The following CD38 variants were observed in gnomAD, a reference collection of about 807,000 sequenced individuals.
The protein encoded by CD38 is CD38 molecule, also known as ADP-ribosyl cyclase/cyclic ADP-ribose hydrolase 1.
Under a neutral mutation model 36.3 loss-of-function variants are expected in CD38, and 31 were observed. The ratio of observed to expected loss-of-function variants is 0.85; its 90% CI spans 0.64 to 1.15. CD38 has a LOEUF of 1.15. Ranked by LOEUF, CD38 falls within the 50% of genes most tolerant of loss-of-function variation. CD38 has a pLI of 0.00. For synonymous variants in CD38, 131 were observed against 135.2 expected (o/e 0.97, Z 0.22); for missense variants, 380 against 371.9 (o/e 1.02, Z -0.18).
chr4:15,820,758 C>T (rs867623764), intron 2 of CD38, among the ~76,000 whole-genome samples: 25 of 152,182 alleles, frequency 1.6e-4, no homozygotes, highest in South Asian at 1.0e-3. Flanking sequence ...TAACATCCCA[C>T]TGTCAATATT....
chr4:15,840,413 A>T, intron 6 of CD38, 39 bp from the exon 7 acceptor site: 1 of 1,338,746 alleles, frequency 7.5e-7, no homozygotes, highest in South Asian at 1.2e-5. Context: ...AATGTTTGTG[A>T]GATCTTGTAA....
Position 15,824,895 on chromosome 4 carries a change from C to T in CD38, c.378C>T (p.Ser126=). ...TVPCNKILLW[S]RIKDLAHQFT... is the part of the protein sequence containing the mutation. ...TTCTTCCTTAGATTCTTCTTTGGAGCAGAATAAAAGATCTGGCCCATCAGT... is the reference window on the plus strand; with the variant it reads ...TTCTTCCTTAGATTCTTCTTTGGAGTAGAATAAAAGATCTGGCCCATCAGT... The change falls in exon 3 of 8, where the codon AGC becomes AGT. Residue 126 remains serine (S), a synonymous_variant. Coordinates refer to ENST00000226279, the MANE Select transcript of CD38 (RefSeq NM_001775.4). 3 of 1,612,472 alleles carry T rather than the reference C, an allele frequency of 1.9e-6. No individual in the cohort carries two copies. The highest frequency in any genetic ancestry group is 2.5e-6 in the Non-Finnish European group (3 of 1,178,848).
chr4:15,787,033 G>A lies in CD38; in HGVS notation c.233+8386G>A, dbSNP rs538854606. On this transcript the variant is annotated intron_variant, in intron 1 of 7. Coordinates refer to ENST00000226279, the MANE Select transcript of CD38 (RefSeq NM_001775.4). The stretch of plus-strand genomic sequence containing the variant: ...TGCGCTCGCCGGCCGCTCAGAGTGC[G>A]GCCTGGGGAGCCCACGCCCACCTGG... 7.2e-5 allele frequency among the ~76,000 whole-genome samples: 11 copies of A among 152,334 alleles called. No homozygotes were observed. In the South Asian group the frequency reaches 1.2e-3, roughly 17 times the overall value.
intron 2 of CD38, among the ~76,000 whole-genome samples, chr4:15,824,161 G>A (rs1229256140): frequency 1.3e-5 from 2 of 151,986 alleles, no homozygotes; most frequent in Admixed American, 1.3e-4. Flanking sequence ...TGGGGTGAGG[G>A]GAGTGAGAAC....
chr4:15,795,721 T>TA (rs1723092146), intron 1 of CD38, among the ~76,000 whole-genome samples: 1 of 152,162 alleles, frequency 6.6e-6, no homozygotes, highest in Non-Finnish European at 1.5e-5. Context: ...TACGATGTTT[T>TA]AAAAAATTGC....
At chr4:15,805,006 C>T (rs1318499597) in intron 1 of CD38, among the ~76,000 whole-genome samples, 2 of 151,954 alleles carry the variant, frequency 1.3e-5, no homozygotes, top group African/African-American at 2.4e-5. Context: ...ATTGTATGCA[C>T]GTATTGAAAT....
intron 3 of CD38, among the ~76,000 whole-genome samples, chr4:15,826,284 T>C (rs1004686712): frequency 1.3e-5 from 2 of 152,176 alleles, no homozygotes; most frequent in African/African-American, 4.8e-5. Context: ...TAAACATATA[T>C]ATTTAAAATG....
At chr4:15,826,339 A>G (rs919492604) in intron 3 of CD38, among the ~76,000 whole-genome samples, 41 of 152,148 alleles carry the variant, frequency 2.7e-4, no homozygotes, top group African/African-American at 8.9e-4. Flanking sequence ...TAAAATTGGT[A>G]GGTATAAAGA....
Position 15,778,648 on chromosome 4 carries a change from G to A in CD38, c.233+1G>A. On this transcript the variant is annotated splice_donor_variant, in intron 1 of 7. Coordinates refer to ENST00000226279, the MANE Select transcript of CD38 (RefSeq NM_001775.4). LOFTEE classifies it high-confidence loss of function. This position sits in a 1 kb window ranked among gnomAD's most constrained non-coding sequence, Gnocchi z 4.9. Reference sequence around the variant, plus strand: ...ACACTGAAATTCATCCTGAGATGAGGTGGGTTGGCGACTAAGGCGCACCGG... The same window carrying A: ...ACACTGAAATTCATCCTGAGATGAGATGGGTTGGCGACTAAGGCGCACCGG... 1 of 1,603,418 alleles carries A rather than the reference G, an allele frequency of 6.2e-7. No homozygotes were observed. The highest frequency in any genetic ancestry group is 1.7e-4 in the Middle Eastern group (1 of 6,048).
intron 1 of CD38, among the ~76,000 whole-genome samples, chr4:15,785,585 C>T (rs989289431): frequency 1.3e-5 from 2 of 151,700 alleles, no homozygotes; most frequent in African/African-American, 4.8e-5. Flanking sequence ...TCTGCTTCTT[C>T]CTTTCTTCTT....
intron 1 of CD38, among the ~76,000 whole-genome samples, chr4:15,791,556 C>T (rs1577636804): frequency 3.6e-5 from 3 of 83,442 alleles, no homozygotes; most frequent in African/African-American, 7.4e-5. Context: ...CCCGGCCAGC[C>T]GCCCCGTCCG....
chr4:15,787,209 G>A (rs773272093), intron 1 of CD38, among the ~76,000 whole-genome samples: 1 of 152,286 alleles, frequency 6.6e-6, no homozygotes, highest in Non-Finnish European at 1.5e-5. Context: ...GGCGCGCAGA[G>A]GCCGGGGGGC....
chr4:15,847,983 A>C (rs1315685698), intron 7 of CD38, among the ~76,000 whole-genome samples: 1 of 152,204 alleles, frequency 6.6e-6, no homozygotes, highest in African/African-American at 2.4e-5. Flanking sequence ...TCTTCCTTCC[A>C]GAAGCCCAGG....
chr4:15,827,408 A>G (rs1723871825), intron 3 of CD38, among the ~76,000 whole-genome samples: 1 of 152,072 alleles, frequency 6.6e-6, no homozygotes, highest in African/African-American at 2.4e-5. Context: ...ATCTTCTTAG[A>G]GAAGCATTCT....
rs1000876113 is a variant in CD38 at position 15,849,265 on chromosome 4, G to C, written c.*663G>C. ...TAATTGCAAGTTTTGCCACCGAAAGGAATGGCAAAACCACAATTATTTTTG... is the reference window on the plus strand; with the variant it reads ...TAATTGCAAGTTTTGCCACCGAAAGCAATGGCAAAACCACAATTATTTTTG... On this transcript the variant is annotated 3_prime_UTR_variant, in exon 8 of 8. Transcript: ENST00000226279. 6.6e-6 allele frequency: 1 copy of C among 152,218 alleles called. No homozygotes were observed. The highest frequency in any genetic ancestry group is 2.4e-5 in the African/African-American group (1 of 41,530). 9.4% of individuals were successfully genotyped at this position (152,218 alleles called of 1,614,324 possible).
intron 1 of CD38, among the ~76,000 whole-genome samples, chr4:15,789,971 A>C (rs1722922510): frequency 1.3e-5 from 2 of 152,234 alleles, no homozygotes; most frequent in South Asian, 4.1e-4. Flanking sequence ...TGACTAAAAC[A>C]GGAGGCTTTA....
At chr4:15,815,945 C>T (rs528419564) in intron 1 of CD38, among the ~76,000 whole-genome samples, 1 of 152,146 alleles carries the variant, frequency 6.6e-6, no homozygotes, top group African/African-American at 2.4e-5. Flanking sequence ...TCCATCGATA[C>T]CTAGTTTATT....
rs1413116410 is a variant in CD38 at position 15,849,317 on chromosome 4, C to T, written c.*715C>T. 2 of 152,164 alleles carry T rather than the reference C, an allele frequency of 1.3e-5. No homozygotes were observed. The highest frequency in any genetic ancestry group is 2.9e-5 in the Non-Finnish European group (2 of 68,040). The allele number at this position is 152,164 out of a possible 1,614,324, so 9.4% of individuals were successfully genotyped here. On this transcript the variant is annotated 3_prime_UTR_variant, in exon 8 of 8. Transcript: ENST00000226279. ...ACCAACCTAATAATTTACCGTAAGT[C>T]CTACATTTAGTATCAAGCTAGAGAC...
chr4:15,836,642 C>T (rs1216346854), intron 4 of CD38, among the ~76,000 whole-genome samples: 1 of 152,204 alleles, frequency 6.6e-6, no homozygotes, highest in African/African-American at 2.4e-5. Context: ...AGAGCCTAAC[C>T]TAGGCCTCCC....
Sources: allele counts gnomAD v4.1 joint callset (sites outside exome capture counted in the v4.1 genomes callset), GRCh38; gene constraint gnomAD v4.1.1; non-coding constraint Gnocchi (gnomAD v3.1); transcripts MANE v1.5; gene names NCBI Gene and HGNC (gene_info 2026-07-23, HGNC 2026-07-21).